EML5: variants seen among roughly 807,000 people sequenced by gnomAD.
EML5 encodes the protein EMAP like 5, also known as echinoderm microtubule-associated protein-like 5.
A neutral mutation model predicts 250.0 loss-of-function variants in EML5; 120 were observed. That is an observed-to-expected ratio of 0.48 (90% CI 0.41 to 0.56). The LOEUF is 0.56. Among genes scored for constraint, EML5 ranks in the 20% least tolerant of loss-of-function variants. The pLI, the probability that EML5 is intolerant of heterozygous loss-of-function variation, is 0.00. For missense variants in EML5, 2,006 were observed against 2,437.6 expected (o/e 0.82, Z 3.73); for synonymous variants, 771 against 806.5 (o/e 0.96, Z 0.75).
chr14:88,766,126 C>G (rs1183337114), intron 1 of EML5, among the ~76,000 whole-genome samples: 1 of 152,136 alleles, frequency 6.6e-6, no homozygotes. Flanking sequence ...TCTTCGTAAG[C>G]TGAGGATGTA....
intron 21 of EML5, among the ~76,000 whole-genome samples, chr14:88,680,412 G>GA (rs2092692204): frequency 6.6e-6 from 1 of 151,850 alleles, no homozygotes; most frequent in South Asian, 2.1e-4. Flanking sequence ...CACAGAGAAG[G>GA]AAAAATCATA....
intron 17 of EML5, 108 bp downstream of exon 17, chr14:88,694,199 G>T: frequency 1.4e-6 from 1 of 691,412 alleles, no homozygotes. Flanking sequence ...TAGTGTTCCT[G>T]CTCTATTCCA....
intron 6 of EML5, among the ~76,000 whole-genome samples, 165 bp from the exon 7 acceptor site, chr14:88,736,730 A>G (rs1441487400): frequency 6.6e-6 from 1 of 152,210 alleles, no homozygotes; most frequent in Non-Finnish European, 1.5e-5. Context: ...AGATAAATCC[A>G]TGGACCAACT....
chr14:88,682,046 T>C lies in EML5; in HGVS notation c.2983-15A>G, dbSNP rs759140688. On this transcript the variant is annotated splice_polypyrimidine_tract_variant and intron_variant, in intron 20 of 43. Coordinates refer to ENST00000554922, the MANE Select transcript of EML5 (RefSeq NM_183387.3). ...TCCATGTGTCCCTATAAAGAAAACA[T>C]AGGATCAATTTAGTGTATGTGTGTG... 25 of 1,578,830 alleles carry C rather than the reference T, an allele frequency of 1.6e-5. No homozygotes were observed. The highest frequency in any genetic ancestry group is 4.5e-5 in the East Asian group (2 of 44,230).
At chr14:88,681,391 A>T (rs1335095850) in intron 21 of EML5, among the ~76,000 whole-genome samples, 1 of 152,230 alleles carries the variant, frequency 6.6e-6, no homozygotes, top group Non-Finnish European at 1.5e-5. Context: ...TGGGCAGATC[A>T]TGAGGTCAGG....
intron 9 of EML5, among the ~76,000 whole-genome samples, chr14:88,713,194 C>T (rs1032059616): frequency 6.6e-6 from 1 of 152,006 alleles, no homozygotes; most frequent in Non-Finnish European, 1.5e-5. Flanking sequence ...GAGTTCAAGA[C>T]CAGCCTGGCC....
intron 2 of EML5, among the ~76,000 whole-genome samples, chr14:88,747,518 C>G (rs1421104660): frequency 3.9e-5 from 6 of 152,012 alleles, no homozygotes; most frequent in African/African-American, 1.4e-4. Context: ...TCACAACAAA[C>G]AGCAAAGTCG....
chr14:88,685,153 A>C lies in EML5; in HGVS notation c.2855-11T>G, dbSNP rs377476002. The C allele has an allele frequency of 3.1e-5, 50 of 1,593,572 alleles. No individual in the cohort carries two copies. In the African/African-American group the frequency reaches 6.2e-4, roughly 20 times the overall value. ...CTTCCAAGAGAAGACCTGAAATGTT[A>C]AATGAAGATGTTCTTTTAGACATAC... On this transcript the variant is annotated splice_polypyrimidine_tract_variant and intron_variant, in intron 19 of 43. Coordinates refer to ENST00000554922, the MANE Select transcript of EML5 (RefSeq NM_183387.3).
At position 88,658,221 on chromosome 14, in the gene EML5, A is replaced by C. The variant is rs756581902; in HGVS notation, c.3843T>G (p.Ser1281Arg). The C allele has an allele frequency of 2.5e-6, 4 of 1,613,808 alleles. No individual in the cohort carries two copies. The highest frequency in any genetic ancestry group is 3.4e-6 in the Non-Finnish European group (4 of 1,179,814). The change falls in exon 26 of 44, where the codon AGT becomes AGG. Residue 1281 changes from serine to arginine, a missense_variant. Ser to Arg is a moderately radical substitution (Grantham distance 110, BLOSUM62 -1). Around this residue, in one of 7 missense-constraint regions of EML5, gnomAD observed 1,375 missense variants for 1,590.3 expected, o/e 0.86. Coordinates refer to ENST00000554922, the MANE Select transcript of EML5 (RefSeq NM_183387.3). ...EGYREKRPCD[S>R]EESDIDSEED... ...CTTCAGAATCAATGTCGGATTCTTC[A>C]CTATCACAAGGCCTTTTTTCTCGAT...
chr14:88,657,168 A>G (rs1201904320), intron 27 of EML5, among the ~76,000 whole-genome samples: 2 of 152,110 alleles, frequency 1.3e-5, no homozygotes, highest in Non-Finnish European at 2.9e-5. Context: ...TTATTTTTAT[A>G]TTTCCATAGA....
At chr14:88,696,263 A>G (rs1436602697) in intron 15 of EML5, among the ~76,000 whole-genome samples, 2 of 152,074 alleles carry the variant, frequency 1.3e-5, no homozygotes, top group East Asian at 3.8e-4. Flanking sequence ...GTTTCTTAAT[A>G]TAGAATTCTC....
intron 7 of EML5, among the ~76,000 whole-genome samples, chr14:88,732,068 A>G (rs1283858942): frequency 6.6e-6 from 1 of 152,020 alleles, no homozygotes; most frequent in African/African-American, 2.4e-5. Flanking sequence ...TCTTTAGTTT[A>G]ATTAGATCCC....
At chr14:88,701,514 T>C (rs1039352520) in intron 14 of EML5, among the ~76,000 whole-genome samples, 14 of 150,676 alleles carry the variant, frequency 9.3e-5, no homozygotes, top group Non-Finnish European at 1.5e-4. Context: ...TTTGAGTGAA[T>C]GAAAGAAAGG....
Position 88,792,179 on chromosome 14 carries a change from A to G in EML5, c.197+128T>C, listed in dbSNP as rs1281398076. 6.2e-6 allele frequency: 7 copies of G among 1,130,042 alleles called. No individual in the cohort carries two copies. In the South Asian group the frequency reaches 9.2e-5, roughly 15 times the overall value. 70.0% of individuals were successfully genotyped at this position (1,130,042 alleles called of 1,614,324 possible). ...TTAACTGGTGGACTCGGGACCAGAG[A>G]GACAGCTGCGGATTCCCCTCGGGGT... On this transcript the variant is annotated intron_variant, in intron 1 of 43. Transcript: ENST00000554922. The surrounding 1 kb of genome is among the most constrained non-coding windows in gnomAD (Gnocchi z 6.9).
At chr14:88,738,709 C>T (rs749053066) in intron 6 of EML5, among the ~76,000 whole-genome samples, 170 bp downstream of exon 6, 3 of 152,036 alleles carry the variant, frequency 2.0e-5, no homozygotes, top group African/African-American at 7.2e-5. Context: ...TCTTTACAGG[C>T]AAAATTTCTC....
chr14:88,769,343 C>T lies in EML5; in HGVS notation c.198-14672G>A, dbSNP rs527879809. Among the ~76,000 whole-genome samples, 114 of 152,244 alleles carry T rather than the reference C, an allele frequency of 7.5e-4. 1 individual carries two copies. In the East Asian group the frequency reaches 0.016, roughly 21 times the overall value. On this transcript the variant is annotated intron_variant, in intron 1 of 43. Coordinates refer to ENST00000554922, the MANE Select transcript of EML5 (RefSeq NM_183387.3). The stretch of plus-strand genomic sequence containing the variant: ...CCTTCTACTCTAGCCATGTGAAGTG[C>T]CTTGCCTCCCCTTTGCCTTCTGCCA...
At chr14:88,708,303 C>A (rs1246622729) in intron 10 of EML5, among the ~76,000 whole-genome samples, 1 of 152,062 alleles carries the variant, frequency 6.6e-6, no homozygotes, top group Non-Finnish European at 1.5e-5. Context: ...GACCAAGTTA[C>A]ATGCTTCCAG....
intron 1 of EML5, among the ~76,000 whole-genome samples, chr14:88,791,893 C>G (rs927412986): frequency 1.3e-5 from 2 of 152,200 alleles, no homozygotes; most frequent in Non-Finnish European, 2.9e-5. Flanking sequence ...TGCTGTGCTT[C>G]CATCAGTCCT....
At chr14:88,664,436 T>A (rs757936195) in intron 23 of EML5, 57 bp downstream of exon 23, 17 of 1,437,964 alleles carry the variant, frequency 1.2e-5, no homozygotes, top group Non-Finnish European at 1.5e-5. Flanking sequence ...TTCTCTAATA[T>A]AGCTATACTA....
Sources: gnomAD v4.1 joint callset for allele counts (sites outside exome capture counted in the v4.1 genomes callset) on GRCh38, gnomAD v4.1.1 for gene constraint, gnomAD v4.1.1 regional missense constraint, Gnocchi (gnomAD v3.1) non-coding constraint, MANE v1.5 for transcripts, NCBI Gene and HGNC (gene_info 2026-07-23, HGNC 2026-07-21) for gene names.